ELOVL6: variants seen among roughly 807,000 people sequenced by gnomAD.
The protein encoded by ELOVL6 is ELOVL fatty acid elongase 6.
A neutral mutation model predicts 31.7 loss-of-function variants in ELOVL6; 8 were observed. That is an observed-to-expected ratio of 0.25 (90% confidence interval 0.15 to 0.45). ELOVL6 has a LOEUF of 0.45. ELOVL6 is among the 20% of genes least tolerant of loss of function. The probability of loss-of-function intolerance (pLI) is 1.00; values close to 1 mark genes in which losing one functional copy is unlikely to be tolerated. For synonymous variants in ELOVL6, 101 were observed against 117.7 expected, an observed-to-expected ratio of 0.86 and a Z score of 0.92; for missense variants, 126 against 326.4, an observed-to-expected ratio of 0.39 and a Z score of 4.73.
intron 2 of ELOVL6, chr4:110,060,062 C>T (rs1366547657): frequency 9.0e-6 from 2 of 222,638 alleles, no homozygotes; most frequent in Non-Finnish European, 1.8e-5. Flanking sequence ...TGAGTTTCAG[C>T]TTGGGAACTA....
intron 1 of ELOVL6, among the ~76,000 whole-genome samples, chr4:110,112,272 GTGT>G (rs1310028482): frequency 6.6e-6 from 1 of 152,216 alleles, no homozygotes; most frequent in Non-Finnish European, 1.5e-5. Context: ...TGAAGTGTGT[GTGT>G]GAACTGCGGC....
chr4:110,052,680 C>A (rs560024255), intron 3 of ELOVL6, among the ~76,000 whole-genome samples: 10 of 152,244 alleles, frequency 6.6e-5, no homozygotes, highest in African/African-American at 2.4e-4. Context: ...AGTTTCAGGG[C>A]TCTGAAAATA....
rs1754828236 is a variant in ELOVL6, at chr4:110,051,210, T to C, written c.*128A>G. The C allele has an allele frequency of 1.1e-5, 11 of 996,396 alleles. No homozygotes were observed. The highest frequency in any genetic ancestry group is 6.7e-4 in the Middle Eastern group (2 of 2,980). 61.7% of individuals were successfully genotyped at this position (996,396 alleles called of 1,614,324 possible). ...TCAACCTAATTATCCCTAAGCTGCC[T>C]TGGGTTTTGTGTTTGCTCATGTTTT... On this transcript the variant is annotated 3_prime_UTR_variant, in exon 4 of 4. Transcript: ENST00000302274. The surrounding 1 kb of genome is among the most constrained non-coding windows in gnomAD (Gnocchi z 4.8).
intron 1 of ELOVL6, among the ~76,000 whole-genome samples, chr4:110,183,613 T>A (rs528647589): frequency 9.6e-6 from 1 of 103,976 alleles, no homozygotes; most frequent in Non-Finnish European, 2.4e-5. Flanking sequence ...TACAGATCTA[T>A]TTTTTTTTTA....
rs138104384 is a variant in ELOVL6, at chr4:110,187,695, TAAAA to T, written c.89+10548_89+10551del. 2.5e-3 allele frequency among the ~76,000 whole-genome samples: 326 copies of T among 130,132 alleles called. 1 individual carries two copies. Among genetic ancestry groups the T allele is most frequent in the African/African-American group, 8.9e-3 (313 of 35,320 alleles). The allele number at this position is 130,132 out of a possible 152,430, so 85.4% of individuals were successfully genotyped here. The stretch of plus-strand genomic sequence containing the variant: ...TGGGTAACAGGAATGAAACTCCATC[TAAAA>T]AAAAAAAAAAAAAATTGTAATGTGA... On this transcript the variant is annotated intron_variant, in intron 1 of 3. Transcript: ENST00000302274.
chr4:110,117,864 AGAGT>A (rs1757212951), intron 1 of ELOVL6: 1 of 84,742 alleles, frequency 1.2e-5, no homozygotes, highest in African/African-American at 4.5e-5. Context: ...CCTGGGCAAC[AGAGT>A]GAGACTCTGT....
At chr4:110,136,953 T>G (rs1483448927) in intron 1 of ELOVL6, among the ~76,000 whole-genome samples, 1 of 152,168 alleles carries the variant, frequency 6.6e-6, no homozygotes, top group Non-Finnish European at 1.5e-5. Context: ...CTCATATAAA[T>G]GCAGAATTAC....
intron 1 of ELOVL6, among the ~76,000 whole-genome samples, chr4:110,116,093 A>C (rs75433216): frequency 0.072 from 11,002 of 152,198 alleles, 459 homozygotes; most frequent in African/African-American, 0.11. Context: ...CTTCCATTTT[A>C]ACAACCCATG....
At chr4:110,185,977 G>A (rs1164654409) in intron 1 of ELOVL6, among the ~76,000 whole-genome samples, 1 of 152,102 alleles carries the variant, frequency 6.6e-6, no homozygotes, top group African/African-American at 2.4e-5. Context: ...GGATCACAAG[G>A]TCAGGAGTTC....
chr4:110,105,558 G>T lies in ELOVL6; in HGVS notation c.160C>A (p.Arg54=). 6.2e-7 allele frequency: 1 copy of T among 1,613,756 alleles called. No individual in the cohort carries two copies. Among genetic ancestry groups the T allele is most frequent in the Non-Finnish European group, 8.5e-7 (1 of 1,179,752 alleles). The part of the protein sequence containing the change: ...IFGGRHLMNK[R]AKFELRKPLV... ...GGCTTCCTCAGTTCAAACTTTGCTC[G>T]TTTATTCATTAGGTGCCGACCACCG... The change falls in exon 2 of 4, where the codon CGA becomes AGA. Residue 54 remains arginine, a synonymous_variant. Transcript: ENST00000302274.
At position 110,050,174 on chromosome 4, in the gene ELOVL6, C is replaced by T. The variant is rs1259657815; in HGVS notation, c.*1164G>A. 6.6e-6 allele frequency: 1 copy of T among 152,532 alleles called. No individual in the cohort carries two copies. The highest frequency in any genetic ancestry group is 1.5e-5 in the Non-Finnish European group (1 of 68,024). The allele number at this position is 152,532 out of a possible 1,614,324, so 9.4% of individuals were successfully genotyped here. On this transcript the variant is annotated 3_prime_UTR_variant, in exon 4 of 4. Transcript: ENST00000302274. Reference sequence around the variant, plus strand: ...CTCTACATTGCTTGGGGAGCAAATGCAGATGATGCAGAAACACAGTGTTCC... The same window carrying T: ...CTCTACATTGCTTGGGGAGCAAATGTAGATGATGCAGAAACACAGTGTTCC...
chr4:110,121,674 G>T (rs1757361614), intron 1 of ELOVL6, among the ~76,000 whole-genome samples: 1 of 152,116 alleles, frequency 6.6e-6, no homozygotes, highest in East Asian at 1.9e-4. Flanking sequence ...ACTCCAGCCT[G>T]GGCGACAGAT....
At position 110,084,025 on chromosome 4, in the gene ELOVL6, GCC is replaced by G. The variant is rs1560813578; in HGVS notation, c.221+21470_221+21471del. Among the ~76,000 whole-genome samples, 49 of 7,456 alleles carry G rather than the reference GCC, an allele frequency of 6.6e-3. 1 individual carries two copies. Among genetic ancestry groups the G allele is most frequent in the East Asian group, 0.047 (9 of 192 alleles). 4.9% of individuals were successfully genotyped at this position (7,456 alleles called of 152,430 possible). A position where few individuals can be genotyped will look rare whatever the true frequency, so the allele number is the denominator to read the frequency against. On this transcript the variant is annotated intron_variant, in intron 2 of 3. Transcript: ENST00000302274. Reference sequence around the variant, plus strand: ...ATGCCATATATGGTATATAACATATGCCATATATGGTATATAACACATGCTAT... The same window carrying G: ...ATGCCATATATGGTATATAACATATGATATATGGTATATAACACATGCTAT...
At chr4:110,066,796 C>G (rs1409241740) in intron 2 of ELOVL6, among the ~76,000 whole-genome samples, 1 of 152,042 alleles carries the variant, frequency 6.6e-6, no homozygotes, top group African/African-American at 2.4e-5. Flanking sequence ...ATGTGCAGAA[C>G]GTGCAGGTTT....
intron 1 of ELOVL6, among the ~76,000 whole-genome samples, chr4:110,169,807 C>CA (rs1553962138): frequency 1.5e-5 from 2 of 136,630 alleles, no homozygotes; most frequent in African/African-American, 5.5e-5. Context: ...TTCTTTCTTT[C>CA]TTTTTTTTTT....
intron 1 of ELOVL6, among the ~76,000 whole-genome samples, chr4:110,194,978 T>C (rs1759730210): frequency 6.6e-6 from 1 of 152,208 alleles, no homozygotes; most frequent in South Asian, 2.1e-4. Context: ...CACTATATCA[T>C]GTTTTTCCTC....
intron 1 of ELOVL6, among the ~76,000 whole-genome samples, chr4:110,189,819 T>C (rs1484720149): frequency 6.6e-6 from 1 of 151,674 alleles, no homozygotes; most frequent in African/African-American, 2.4e-5. Context: ...ATAGAAAAAT[T>C]AGCCAGGTGT....
At chr4:110,139,120 GC>G (rs1332148026) in intron 1 of ELOVL6, among the ~76,000 whole-genome samples, 1 of 152,032 alleles carries the variant, frequency 6.6e-6, no homozygotes, top group Admixed American at 6.6e-5. Context: ...TGGGGGATTA[GC>G]ATGTTTGTGG....
chr4:110,075,416 A>G, intron 2 of ELOVL6, among the ~76,000 whole-genome samples: 1 of 152,228 alleles, frequency 6.6e-6, no homozygotes, highest in Non-Finnish European at 1.5e-5. Flanking sequence ...TATATATACA[A>G]TGAAATATTA....
Sources: gnomAD v4.1 joint callset for allele counts (sites outside exome capture counted in the v4.1 genomes callset) on GRCh38, gnomAD v4.1.1 for gene constraint, Gnocchi (gnomAD v3.1) non-coding constraint, MANE v1.5 for transcripts, NCBI Gene and HGNC (gene_info 2026-07-23, HGNC 2026-07-21) for gene names.